The following MARCHF8 variants were observed in gnomAD, a reference collection of about 807,000 sequenced individuals.
MARCHF8 encodes the protein E3 ubiquitin-protein ligase MARCHF8.
Under a neutral mutation model 51.6 loss-of-function variants are expected in MARCHF8, and 40 were observed. The observed-to-expected ratio is 0.77, with a 90% CI of 0.60 to 1.01. The LOEUF (loss-of-function observed/expected upper bound fraction) is 1.01, where lower values mean the gene tolerates loss of function less well. Among genes scored for constraint, MARCHF8 ranks in the 50% least tolerant of loss-of-function variants. MARCHF8 has a pLI of 0.00. For missense variants in MARCHF8, 685 were observed against 708.6 expected (o/e 0.97, Z 0.38); for synonymous variants, 263 against 280.3 (o/e 0.94, Z 0.62).
At chr10:45,585,386 C>T (rs1009120448) in intron 1 of MARCHF8, among the ~76,000 whole-genome samples, 1 of 151,978 alleles carries the variant, frequency 6.6e-6, no homozygotes, top group Non-Finnish European at 1.5e-5. Context: ...TAATGTAACA[C>T]AATAAGACAA....
chr10:45,528,532 T>TTAGCGCAGC (rs1239654200), intron 2 of MARCHF8, among the ~76,000 whole-genome samples: 21 of 152,202 alleles, frequency 1.4e-4, no homozygotes, highest in African/African-American at 5.1e-4. Flanking sequence ...CAGTCATAGC[T>TTAGCGCAGC]TAGCGCAGCC....
upstream of MARCHF8, among the ~76,000 whole-genome samples, chr10:45,539,502 A>G (rs1438938733): frequency 2.0e-5 from 3 of 152,180 alleles, no homozygotes; most frequent in African/African-American, 4.8e-5. Flanking sequence ...GACACAAAAG[A>G]CCCTTCAAAA....
At chr10:45,546,994 G>A (rs1204737221) in intron 1 of MARCHF8, among the ~76,000 whole-genome samples, 1 of 152,178 alleles carries the variant, frequency 6.6e-6, no homozygotes, top group African/African-American at 2.4e-5. Flanking sequence ...AGGCTGAGGT[G>A]GGAGGACCAC....
At chr10:45,535,500 A>C (rs940603355), upstream of MARCHF8, 4 of 152,196 alleles carry the variant, frequency 2.6e-5, no homozygotes. Flanking sequence ...CAAATTTTTT[A>C]CAGTTTTGAA....
rs1424226841 is a variant in MARCHF8 at position 45,512,318 on chromosome 10, C to T, written c.102+20792G>A. ...CCGTCTGGGAAGTGAGGAGCGTCTC[C>T]GCCCGGCAGCCACCCCGTCCGGGAG... On this transcript the variant is annotated intron_variant, in intron 2 of 7. Transcript: ENST00000453424. Among the ~76,000 whole-genome samples the T allele has an allele frequency of 5.3e-5, 8 of 149,644 alleles. No homozygotes were observed. The East Asian group carries it at 8.2e-4, about 15-fold the overall frequency.
intron 2 of MARCHF8, among the ~76,000 whole-genome samples, chr10:45,517,228 G>A (rs763812377): frequency 4.6e-5 from 7 of 152,194 alleles, no homozygotes; most frequent in Non-Finnish European, 8.8e-5. Context: ...CAATTCTACC[G>A]ATGTTTTAGG....
chr10:45,457,935 T>G lies in MARCHF8; in HGVS notation c.*304A>C. ...CCCTGCTCCTCCTCTTCCCTTGGGA[T>G]TGGCATTTTATTCTCTCATTCAGCT... On this transcript the variant is annotated 3_prime_UTR_variant, in exon 8 of 8. Transcript: ENST00000453424. 6.1e-6 allele frequency: 2 copies of G among 326,390 alleles called. No homozygotes were observed. 20.2% of individuals were successfully genotyped at this position (326,390 alleles called of 1,614,324 possible). A position where few individuals can be genotyped will look rare whatever the true frequency, so the allele number is the denominator to read the frequency against.
At chr10:45,582,304 C>T (rs1039790840) in intron 1 of MARCHF8, among the ~76,000 whole-genome samples, 1 of 152,210 alleles carries the variant, frequency 6.6e-6, no homozygotes, top group African/African-American at 2.4e-5. Context: ...GAGCACCTCC[C>T]GTTCAACTAC....
intron 2 of MARCHF8, among the ~76,000 whole-genome samples, chr10:45,516,867 T>C (rs1181339570): frequency 6.6e-6 from 1 of 152,206 alleles, no homozygotes; most frequent in Non-Finnish European, 1.5e-5. Flanking sequence ...GCCTCAATCC[T>C]ATAAAATGGC....
intron 1 of MARCHF8, among the ~76,000 whole-genome samples, chr10:45,567,960 C>T (rs2044383319): frequency 6.6e-6 from 1 of 152,140 alleles, no homozygotes; most frequent in African/African-American, 2.4e-5. Flanking sequence ...CAATTTCTTG[C>T]ATCAGTGTTT....
intron 3 of MARCHF8, among the ~76,000 whole-genome samples, chr10:45,464,667 A>G (rs1842911345): frequency 1.3e-5 from 2 of 152,198 alleles, no homozygotes; most frequent in African/African-American, 4.8e-5. Flanking sequence ...ACAAATGCCA[A>G]AGAAATATGA....
At chr10:45,460,646 A>G (rs1842756391) in intron 6 of MARCHF8, among the ~76,000 whole-genome samples, 1 of 152,214 alleles carries the variant, frequency 6.6e-6, no homozygotes, top group Non-Finnish European at 1.5e-5. Flanking sequence ...GTGGCGGACA[A>G]AGCTCCTCTC....
intron 1 of MARCHF8, among the ~76,000 whole-genome samples, chr10:45,553,363 G>A (rs1461790739): frequency 1.3e-5 from 2 of 152,160 alleles, no homozygotes; most frequent in African/African-American, 4.8e-5. Flanking sequence ...ATACAGAACT[G>A]AGAGGACCCA....
chr10:45,549,689 A>G (rs2044172391), intron 1 of MARCHF8, among the ~76,000 whole-genome samples: 1 of 152,242 alleles, frequency 6.6e-6, no homozygotes, highest in Admixed American at 6.5e-5. Context: ...TGATCAAGCC[A>G]TGAGGGCTCT....
intron 1 of MARCHF8, among the ~76,000 whole-genome samples, chr10:45,572,903 C>T (rs911746746): frequency 3.3e-5 from 5 of 152,022 alleles, no homozygotes; most frequent in African/African-American, 9.7e-5. Flanking sequence ...GCCTCCGCCC[C>T]GCCACCCTAC....
intron 1 of MARCHF8, among the ~76,000 whole-genome samples, chr10:45,553,993 T>C (rs2044224996): frequency 6.6e-6 from 1 of 152,212 alleles, no homozygotes; most frequent in South Asian, 2.1e-4. Flanking sequence ...TAAAAAATAA[T>C]TGAAAAACTG....
intron 1 of MARCHF8, among the ~76,000 whole-genome samples, chr10:45,548,962 T>G (rs2044161688): frequency 6.9e-6 from 1 of 145,062 alleles, no homozygotes; most frequent in Admixed American, 7.0e-5. Context: ...GCCATTGCAC[T>G]CCAGCCTGGG....
intron 2 of MARCHF8, among the ~76,000 whole-genome samples, chr10:45,512,255 G>A (rs530322655): frequency 2.5e-4 from 37 of 149,448 alleles, no homozygotes; most frequent in African/African-American, 8.7e-4. Flanking sequence ...CAGCCGCCCC[G>A]TCTGAGAAGT....
chr10:45,566,685 G>A, intron 1 of MARCHF8, among the ~76,000 whole-genome samples: 1 of 150,234 alleles, frequency 6.7e-6, no homozygotes, highest in Non-Finnish European at 1.5e-5. Flanking sequence ...TGAACACTTA[G>A]GTTGCTGGCA....
Sources: gnomAD v4.1 joint callset for allele counts (sites outside exome capture counted in the v4.1 genomes callset) on GRCh38, gnomAD v4.1.1 for gene constraint, MANE v1.5 for transcripts, NCBI Gene and HGNC (gene_info 2026-07-23, HGNC 2026-07-21) for gene names.